COMMD1: variants seen among roughly 807,000 people sequenced by gnomAD.
COMMD1 encodes copper metabolism domain containing 1.
COMMD1 carries 10 observed loss-of-function variants against 17.2 expected under a neutral mutation model. That is an observed-to-expected ratio of 0.58 (90% CI 0.36 to 0.99). The LOEUF is 0.99. COMMD1 is among the 50% of genes least tolerant of loss of function. The pLI is 0.01. For synonymous variants in COMMD1, 97 were observed against 91.6 expected (o/e 1.06, Z -0.34); for missense variants, 270 against 231.8 (o/e 1.17, Z -1.07).
intron 2 of COMMD1, among the ~76,000 whole-genome samples, chr2:62,004,226 T>G (rs1378272652): frequency 6.6e-6 from 1 of 152,230 alleles, no homozygotes; most frequent in Admixed American, 6.5e-5. Flanking sequence ...CAGTTTATTG[T>G]ACATCACATA....
At chr2:61,890,430 G>A (rs922650550) in intron 1 of COMMD1, among the ~76,000 whole-genome samples, 11 of 152,168 alleles carry the variant, frequency 7.2e-5, no homozygotes, top group African/African-American at 2.6e-4. Context: ...TGTTGGACAG[G>A]GTGGTTTCGA....
chr2:62,068,915 A>G (rs1163706406), intron 2 of COMMD1, among the ~76,000 whole-genome samples: 1 of 152,126 alleles, frequency 6.6e-6, no homozygotes, highest in Non-Finnish European at 1.5e-5. Flanking sequence ...TCCTGGGATT[A>G]CAGGCGTGAG....
At chr2:62,078,191 C>G (rs534694112) in intron 2 of COMMD1, among the ~76,000 whole-genome samples, 2 of 124,844 alleles carry the variant, frequency 1.6e-5, no homozygotes, top group African/African-American at 6.2e-5. Context: ...AGGAGAATGG[C>G]GTGAACCCAG....
intron 1 of COMMD1, among the ~76,000 whole-genome samples, chr2:61,893,478 C>T (rs570392412): frequency 8.6e-5 from 13 of 151,616 alleles, no homozygotes; most frequent in Non-Finnish European, 7.4e-5. Flanking sequence ...GGTTTTCTAT[C>T]GAAAAACAGG....
intron 1 of COMMD1, among the ~76,000 whole-genome samples, chr2:61,935,423 G>T (rs1365181007): frequency 1.3e-5 from 2 of 152,154 alleles, no homozygotes; most frequent in Non-Finnish European, 2.9e-5. Context: ...GAGGTTAGGA[G>T]TTCAAGACCA....
At chr2:62,020,144 G>C (rs1669572814) in intron 2 of COMMD1, among the ~76,000 whole-genome samples, 1 of 152,206 alleles carries the variant, frequency 6.6e-6, no homozygotes, top group South Asian at 2.1e-4. Flanking sequence ...GTGAAGACCT[G>C]TGAAACTAAA....
At chr2:61,997,900 A>G (rs1668809469) in intron 1 of COMMD1, among the ~76,000 whole-genome samples, 1 of 152,222 alleles carries the variant, frequency 6.6e-6, no homozygotes, top group Non-Finnish European at 1.5e-5. Flanking sequence ...TTTCCGATAT[A>G]TGGCTATTTC....
chr2:61,973,988 C>G (rs1162388529), intron 1 of COMMD1, among the ~76,000 whole-genome samples: 1 of 152,230 alleles, frequency 6.6e-6, no homozygotes, highest in Non-Finnish European at 1.5e-5. Context: ...ATTAGTTTCA[C>G]TTGCTCTAGA....
At chr2:61,956,745 T>G (rs935672413) in intron 1 of COMMD1, among the ~76,000 whole-genome samples, 14 of 149,880 alleles carry the variant, frequency 9.3e-5, no homozygotes, top group Admixed American at 4.7e-4. Flanking sequence ...CGCATAGTTT[T>G]TTTTGTTTGT....
intron 1 of COMMD1, among the ~76,000 whole-genome samples, chr2:61,989,157 T>A (rs924527125): frequency 6.6e-6 from 1 of 152,220 alleles, no homozygotes; most frequent in South Asian, 2.1e-4. Flanking sequence ...AGGTGTCATA[T>A]TTGGTGTTCT....
chr2:62,106,270 A>T (rs1028244037), intron 2 of COMMD1, among the ~76,000 whole-genome samples: 1 of 152,250 alleles, frequency 6.6e-6, no homozygotes, highest in Admixed American at 6.5e-5. Flanking sequence ...CAATTTGTTT[A>T]TATCAGTACC....
chr2:62,000,374 C>T (rs746834042), intron 1 of COMMD1, among the ~76,000 whole-genome samples: 4 of 150,720 alleles, frequency 2.7e-5, no homozygotes, highest in African/African-American at 9.8e-5. Context: ...CCGGTTGAAG[C>T]GATTCTTGTG....
chr2:62,034,410 C>G (rs1436556370), intron 2 of COMMD1, among the ~76,000 whole-genome samples: 1 of 152,084 alleles, frequency 6.6e-6, no homozygotes, highest in African/African-American at 2.4e-5. Flanking sequence ...TGAGGCATTG[C>G]TTGAACCCGG....
intron 1 of COMMD1, among the ~76,000 whole-genome samples, chr2:61,963,018 G>T (rs1033424743): frequency 1.3e-5 from 2 of 151,604 alleles, no homozygotes; most frequent in African/African-American, 4.9e-5. Context: ...AAATTAGCTG[G>T]GTGTGGTGGC....
At chr2:62,112,555 C>G (rs900748634) in intron 2 of COMMD1, among the ~76,000 whole-genome samples, 1 of 152,204 alleles carries the variant, frequency 6.6e-6, no homozygotes, top group Non-Finnish European at 1.5e-5. Flanking sequence ...GTATGTGTAA[C>G]AAGGTAGGAA....
chr2:61,965,829 T>C (rs1573010042), intron 1 of COMMD1, among the ~76,000 whole-genome samples: 1 of 152,186 alleles, frequency 6.6e-6, no homozygotes, highest in Admixed American at 6.5e-5. Context: ...GTTCTTCGCT[T>C]TTAAGGAAAA....
At chr2:62,100,525 A>G (rs1335814398) in intron 2 of COMMD1, among the ~76,000 whole-genome samples, 5 of 152,164 alleles carry the variant, frequency 3.3e-5, no homozygotes, top group African/African-American at 7.2e-5. Context: ...TTTGGTTCAG[A>G]AAGGCAGGAC....
In COMMD1 at chr2:61,982,125, A is replaced by G. The variant is rs7587599; in HGVS notation, c.181-18576A>G. ...GATTCTTCCAATCCATGAACATGGAATATCTTTTCATTTTTTTTGGTGTTA... is the reference window on the plus strand; with the variant it reads ...GATTCTTCCAATCCATGAACATGGAGTATCTTTTCATTTTTTTTGGTGTTA... On this transcript the variant is annotated intron_variant, in intron 1 of 2. Coordinates refer to ENST00000311832, the MANE Select transcript of COMMD1 (RefSeq NM_152516.4). Among the ~76,000 whole-genome samples, 1,104 of 152,296 alleles carry G rather than the reference A, an allele frequency of 7.2e-3. 16 individuals carry two copies. The highest frequency in any genetic ancestry group is 0.025 in the African/African-American group (1,041 of 41,558).
At chr2:62,007,598 A>G (rs1327217997) in intron 2 of COMMD1, among the ~76,000 whole-genome samples, 1 of 152,240 alleles carries the variant, frequency 6.6e-6, no homozygotes, top group African/African-American at 2.4e-5. Context: ...TTACACAAAT[A>G]TAATACTTAT....
Sources: gnomAD v4.1 joint callset for allele counts (sites outside exome capture counted in the v4.1 genomes callset) on GRCh38, gnomAD v4.1.1 for gene constraint, MANE v1.5 for transcripts, NCBI Gene and HGNC (gene_info 2026-07-23, HGNC 2026-07-21) for gene names.